The following SCAMP1 variants were observed in gnomAD, a reference collection of about 807,000 sequenced individuals.
SCAMP1 encodes the protein secretory carrier-associated membrane protein 1.
In SCAMP1, 15 loss-of-function variants were observed where a neutral mutation model predicts 41.8. The ratio of observed to expected loss-of-function variants is 0.36; its 90% CI spans 0.24 to 0.55. The LOEUF (loss-of-function observed/expected upper bound fraction) is 0.55. Among genes scored for constraint, SCAMP1 ranks in the 20% least tolerant of loss-of-function variants. SCAMP1 has a pLI of 0.86. For missense variants in SCAMP1, 341 were observed against 412.6 expected, an observed-to-expected ratio of 0.83 and a Z score of 1.50; for synonymous variants, 135 against 136.8, an observed-to-expected ratio of 0.99 and a Z score of 0.09.
At chr5:78,410,804 ATC>A (rs1189484375) in intron 2 of SCAMP1, among the ~76,000 whole-genome samples, 3 of 152,202 alleles carry the variant, frequency 2.0e-5, no homozygotes, top group Non-Finnish European at 4.4e-5. Context: ...CCTCGCCAGC[ATC>A]TGTTGTTTTC....
At position 78,459,345 on chromosome 5, in the gene SCAMP1, C is replaced by G. The variant is rs1561286361; in HGVS notation, c.835C>G (p.Leu279Val). ...ALFTASAVIS[L>V]VMFKKVHGLY... ...TTTCACAGCATCAGCAGTCATCTCA[C>G]TAGTTATGTTCAAAAAAGTAAGTGA... is the stretch of plus-strand genomic sequence containing the variant. Residue 279 changes from leucine (L) to valine (V), a missense_variant, in exon 8 of 9, where the codon CTA (leucine) becomes GTA (valine). Physicochemically the swap from Leu to Val is conservative, Grantham distance 32. Transcript: ENST00000621999. 2 of 1,539,824 alleles carry G rather than the reference C, an allele frequency of 1.3e-6. No homozygotes were observed. Among genetic ancestry groups the G allele is most frequent in the Non-Finnish European group, 9.0e-7 (1 of 1,116,022 alleles).
At chr5:78,392,024 AG>A (rs1751526618) in intron 2 of SCAMP1, among the ~76,000 whole-genome samples, 1 of 1,240 alleles carries the variant, frequency 8.1e-4, no homozygotes, top group Non-Finnish European at 3.6e-3. Context: ...AGAGGGAGAG[AG>A]AGGGAGAGGG....
rs1751430104 is a variant in SCAMP1 at position 78,389,383 on chromosome 5, C to A, written c.135+469C>A. Among the ~76,000 whole-genome samples the A allele has an allele frequency of 2.6e-5, 4 of 152,148 alleles. No individual in the cohort carries two copies. The South Asian group carries it at 8.3e-4, about 32-fold the overall frequency. ...GCAGAGTAGAACCTCTGGAACTTTA[C>A]CCAGACTAGGAAAGCATATTTTTCC... On this transcript the variant is annotated intron_variant, in intron 2 of 8. Coordinates refer to ENST00000621999, the MANE Select transcript of SCAMP1 (RefSeq NM_004866.6).
chr5:78,368,146 C>T (rs140212828), intron 1 of SCAMP1, among the ~76,000 whole-genome samples: 219 of 152,264 alleles, frequency 1.4e-3, no homozygotes, highest in Admixed American at 4.1e-3. Context: ...GCCTTAAAAA[C>T]CACATTTGTC....
At chr5:78,367,544 G>C (rs1274244422) in intron 1 of SCAMP1, among the ~76,000 whole-genome samples, 1 of 152,158 alleles carries the variant, frequency 6.6e-6, no homozygotes. Flanking sequence ...TGCTCCCAGA[G>C]GGCAAGAGCT....
chr5:78,429,030 A>G (rs1475269914), intron 6 of SCAMP1, among the ~76,000 whole-genome samples: 2 of 152,116 alleles, frequency 1.3e-5, no homozygotes, highest in African/African-American at 4.8e-5. Context: ...GTGCACATGC[A>G]TGCTCAAGAT....
At chr5:78,456,145 C>T (rs1295875456) in intron 7 of SCAMP1, among the ~76,000 whole-genome samples, 3 of 121,734 alleles carry the variant, frequency 2.5e-5, no homozygotes, top group Non-Finnish European at 5.1e-5. Context: ...TCCAATTTGC[C>T]AGTCTGTGTC....
chr5:78,457,520 GT>G (rs1753448941), intron 7 of SCAMP1, among the ~76,000 whole-genome samples: 1 of 152,060 alleles, frequency 6.6e-6, no homozygotes, highest in Non-Finnish European at 1.5e-5. Context: ...CAGGGACCCA[GT>G]TGAGGAGGCA....
chr5:78,432,773 T>C (rs1364535868), intron 6 of SCAMP1, among the ~76,000 whole-genome samples: 1 of 152,130 alleles, frequency 6.6e-6, no homozygotes, highest in Non-Finnish European at 1.5e-5. Context: ...TTTTGAGTCT[T>C]CATTAATTTT....
intron 5 of SCAMP1, among the ~76,000 whole-genome samples, chr5:78,420,887 AGTT>A (rs1472175073): frequency 3.9e-5 from 6 of 152,270 alleles, no homozygotes; most frequent in South Asian, 4.1e-4. Context: ...AGGTTTTCCC[AGTT>A]GTTAATTTTA....
chr5:78,461,565 T>A (rs1753615154), intron 8 of SCAMP1, among the ~76,000 whole-genome samples: 1 of 152,172 alleles, frequency 6.6e-6, no homozygotes, highest in Non-Finnish European at 1.5e-5. Flanking sequence ...CTTACCATAG[T>A]CTTTTTTCTT....
At chr5:78,385,435 C>G (rs1751317298) in intron 1 of SCAMP1, among the ~76,000 whole-genome samples, 1 of 151,838 alleles carries the variant, frequency 6.6e-6, no homozygotes, top group Admixed American at 6.6e-5. Context: ...TTGTTTGTTT[C>G]TATTTCATTT....
intron 1 of SCAMP1, among the ~76,000 whole-genome samples, chr5:78,381,370 A>G (rs1460894100): frequency 6.6e-6 from 1 of 152,186 alleles, no homozygotes; most frequent in African/African-American, 2.4e-5. Context: ...AGTATAACTG[A>G]TATTTGAGGA....
intron 7 of SCAMP1, among the ~76,000 whole-genome samples, chr5:78,455,738 T>G (rs1309983102): frequency 3.7e-4 from 51 of 138,536 alleles, no homozygotes; most frequent in Non-Finnish European, 6.6e-4. Flanking sequence ...CTGGGTATCC[T>G]TATTGACTTT....
At chr5:78,471,313 A>G (rs16875441) in intron 8 of SCAMP1, among the ~76,000 whole-genome samples, 8,193 of 152,222 alleles carry the variant, frequency 0.054, 429 homozygotes, top group East Asian at 0.3. Flanking sequence ...GACATGGTGA[A>G]ACTAGACTGG....
chr5:78,454,396 T>C (rs1753328421), intron 7 of SCAMP1, among the ~76,000 whole-genome samples: 1 of 152,140 alleles, frequency 6.6e-6, no homozygotes, highest in African/African-American at 2.4e-5. Context: ...GCATGAAGTG[T>C]TGTTGAATTT....
chr5:78,450,826 A>G (rs1753207007), intron 7 of SCAMP1, among the ~76,000 whole-genome samples: 4 of 152,218 alleles, frequency 2.6e-5, no homozygotes, highest in South Asian at 2.1e-4. Flanking sequence ...GAGGACTTAC[A>G]TTTAGTATTC....
chr5:78,413,628 G>C (rs1413477764), intron 2 of SCAMP1, among the ~76,000 whole-genome samples: 2 of 152,100 alleles, frequency 1.3e-5, no homozygotes, highest in African/African-American at 4.8e-5. Flanking sequence ...ATGTTGCCCA[G>C]GGTGGTCTCG....
Position 78,418,822 on chromosome 5 carries a change from C to T in SCAMP1, c.391C>T (p.Pro131Ser). 6.3e-7 allele frequency: 1 copy of T among 1,576,304 alleles called. No homozygotes were observed. Among genetic ancestry groups the T allele is most frequent in the Non-Finnish European group, 8.6e-7 (1 of 1,160,674 alleles). The change falls in exon 5 of 9, where the codon CCT becomes TCT. Residue 131 changes from proline to serine, a missense_variant. Pro to Ser is a moderately conservative substitution (Grantham distance 74). Coordinates refer to ENST00000621999, the MANE Select transcript of SCAMP1 (RefSeq NM_004866.6). ...PPLPSNFPVG[P>S]CFYQDFSVDI... ...TCTTCCTAGCAATTTTCCTGTCGGA[C>T]CTTGTTTCTATCAGGATTTTTCTGT...
Sources: allele counts gnomAD v4.1 joint callset (sites outside exome capture counted in the v4.1 genomes callset), GRCh38; gene constraint gnomAD v4.1.1; transcripts MANE v1.5; gene names NCBI Gene and HGNC (gene_info 2026-07-23, HGNC 2026-07-21).